The following TMEM163 variants were observed in gnomAD, a reference collection of about 807,000 sequenced individuals.
TMEM163 encodes the protein transmembrane protein 163.
Under a neutral mutation model 29.3 loss-of-function variants are expected in TMEM163, and 17 were observed. The ratio of observed to expected loss-of-function variants is 0.58; its 90% CI spans 0.40 to 0.87. The LOEUF (loss-of-function observed/expected upper bound fraction) is 0.87. TMEM163 is among the 40% of genes least tolerant of loss of function. The pLI, the probability that TMEM163 is intolerant of heterozygous loss-of-function variation, is 0.00. For synonymous variants in TMEM163, 157 were observed against 160.6 expected, an observed-to-expected ratio of 0.98 and a Z score of 0.17; for missense variants, 303 against 381.5, an observed-to-expected ratio of 0.79 and a Z score of 1.71.
At chr2:134,711,310 T>TAC (rs200106300) in intron 2 of TMEM163, among the ~76,000 whole-genome samples, 3 of 151,880 alleles carry the variant, frequency 2.0e-5, no homozygotes, top group African/African-American at 4.8e-5. Context: ...ATGAAACACA[T>TAC]ACACACACAC....
chr2:134,709,769 C>G (rs1427496396), intron 2 of TMEM163, among the ~76,000 whole-genome samples: 1 of 152,226 alleles, frequency 6.6e-6, no homozygotes, highest in African/African-American at 2.4e-5. Context: ...ACCCTCCTCC[C>G]TTCTGGAATT....
At chr2:134,512,309 T>G (rs1179381737) in intron 4 of TMEM163, among the ~76,000 whole-genome samples, 1 of 151,940 alleles carries the variant, frequency 6.6e-6, no homozygotes, top group Non-Finnish European at 1.5e-5. Context: ...AATATGAAAA[T>G]TAGCCAGGCA....
chr2:134,571,103 T>G (rs188343013), intron 2 of TMEM163, among the ~76,000 whole-genome samples: 1 of 152,282 alleles, frequency 6.6e-6, no homozygotes, highest in Non-Finnish European at 1.5e-5. Context: ...AAAGATAAAT[T>G]AGGAACCGAT....
intron 2 of TMEM163, among the ~76,000 whole-genome samples, chr2:134,613,169 G>T (rs1026625764): frequency 2.0e-5 from 3 of 151,984 alleles, no homozygotes; most frequent in Admixed American, 6.5e-5. Flanking sequence ...AGCTGCCAAA[G>T]AAAAAATCAG....
At chr2:134,648,991 T>TG (rs1293373583) in intron 2 of TMEM163, among the ~76,000 whole-genome samples, 4 of 152,174 alleles carry the variant, frequency 2.6e-5, no homozygotes, top group African/African-American at 7.2e-5. Flanking sequence ...GTATTTGTAG[T>TG]GGGGGAAAAT....
intron 4 of TMEM163, among the ~76,000 whole-genome samples, chr2:134,510,684 C>T (rs749460): frequency 0.27 from 40,661 of 151,968 alleles, 8,758 homozygotes; most frequent in African/African-American, 0.57. Context: ...GAAGAGGTAG[C>T]GGTGCATCCA....
chr2:134,585,605 G>T (rs189371527), intron 2 of TMEM163, among the ~76,000 whole-genome samples: 1 of 152,096 alleles, frequency 6.6e-6, no homozygotes, highest in Non-Finnish European at 1.5e-5. Flanking sequence ...AGCCGGGCGC[G>T]GTGGCGGGCA....
intron 2 of TMEM163, among the ~76,000 whole-genome samples, chr2:134,605,364 T>C (rs1424813965): frequency 5.3e-5 from 8 of 152,006 alleles, no homozygotes; most frequent in African/African-American, 1.7e-4. Context: ...TTGCTAATAA[T>C]AGAGAAAAGT....
chr2:134,622,485 G>T (rs987170795), intron 2 of TMEM163, among the ~76,000 whole-genome samples: 2 of 152,178 alleles, frequency 1.3e-5, no homozygotes, highest in Non-Finnish European at 2.9e-5. Flanking sequence ...CGGTGAAACT[G>T]AGTGATACTG....
At chr2:134,614,163 G>A (rs955577981) in intron 2 of TMEM163, among the ~76,000 whole-genome samples, 3 of 152,062 alleles carry the variant, frequency 2.0e-5, no homozygotes, top group African/African-American at 7.2e-5. Context: ...ACTGGAAATA[G>A]ACCTATAAAA....
intron 4 of TMEM163, among the ~76,000 whole-genome samples, chr2:134,518,192 T>C (rs942826737): frequency 6.6e-6 from 1 of 152,230 alleles, no homozygotes; most frequent in African/African-American, 2.4e-5. Context: ...CACCAGAGCC[T>C]CACTATATTG....
chr2:134,633,587 T>C (rs1683027782), intron 2 of TMEM163, among the ~76,000 whole-genome samples: 1 of 152,166 alleles, frequency 6.6e-6, no homozygotes, highest in African/African-American at 2.4e-5. Context: ...CTACAGATTC[T>C]GTACAAAGCT....
At chr2:134,675,180 A>C (rs76523761) in intron 2 of TMEM163, among the ~76,000 whole-genome samples, 150 of 152,364 alleles carry the variant, frequency 9.8e-4, no homozygotes, top group African/African-American at 3.2e-3. Flanking sequence ...TTGGGGAAGG[A>C]TCCATTCTCA....
intron 2 of TMEM163, among the ~76,000 whole-genome samples, chr2:134,608,994 A>T (rs1416422063): frequency 2.0e-5 from 2 of 100,170 alleles, no homozygotes; most frequent in Admixed American, 8.8e-5. Context: ...TGTACTGGTG[A>T]AAAGGACAGA....
At chr2:134,477,188 C>T (rs1295098491) in intron 5 of TMEM163, among the ~76,000 whole-genome samples, 1 of 152,190 alleles carries the variant, frequency 6.6e-6, no homozygotes, top group African/African-American at 2.4e-5. Flanking sequence ...GCACTGCTGG[C>T]TCTGACAGAG....
intron 4 of TMEM163, among the ~76,000 whole-genome samples, chr2:134,546,189 GCAATCC>G (rs1456200528): frequency 6.6e-6 from 1 of 152,188 alleles, no homozygotes; most frequent in Non-Finnish European, 1.5e-5. Flanking sequence ...ATAGGATCCA[GCAATCC>G]CACTTCTGGG....
intron 4 of TMEM163, among the ~76,000 whole-genome samples, chr2:134,512,069 C>T (rs867089670): frequency 1.3e-5 from 2 of 152,184 alleles, no homozygotes; most frequent in Non-Finnish European, 1.5e-5. Flanking sequence ...CGAATGTCTA[C>T]CATTTGCAAA....
Position 134,718,870 on chromosome 2 carries a change from C to T in TMEM163, c.66G>A (p.Arg22=). 9.0e-7 allele frequency: 1 copy of T among 1,106,640 alleles called. No individual in the cohort carries two copies. Among genetic ancestry groups the T allele is most frequent in the Non-Finnish European group, 1.1e-6 (1 of 908,890 alleles). 68.6% of individuals were successfully genotyped at this position (1,106,640 alleles called of 1,614,324 possible). ...GGGCGGCAGCCGGTGGCGCGTGGCC[C>T]CGGGGCGGCGGCGGGACGGTGGGCC... ...SQGPTVPPPP[R]GHAPPAAAPG... is the part of the protein sequence containing the mutation. Residue 22 remains arginine, a synonymous_variant, in exon 1 of 8, where the codon CGG becomes CGA. Transcript: ENST00000281924.
At chr2:134,525,790 T>C (rs1379574101) in intron 4 of TMEM163, among the ~76,000 whole-genome samples, 1 of 152,184 alleles carries the variant, frequency 6.6e-6, no homozygotes, top group African/African-American at 2.4e-5. Flanking sequence ...CTCTGACACC[T>C]AGCTGGACCT....
Sources: gnomAD v4.1 joint callset for allele counts (sites outside exome capture counted in the v4.1 genomes callset) on GRCh38, gnomAD v4.1.1 for gene constraint, MANE v1.5 for transcripts, NCBI Gene and HGNC (gene_info 2026-07-23, HGNC 2026-07-21) for gene names.